VEZT: variants seen among roughly 807,000 people sequenced by gnomAD.
The protein encoded by VEZT is vezatin.
In VEZT, 39 loss-of-function variants were observed where a neutral mutation model predicts 79.9. That is an observed-to-expected ratio of 0.49 (90% CI 0.38 to 0.64). The LOEUF is 0.64. VEZT is among the 30% of genes least tolerant of loss of function. The pLI is 0.00. For missense variants in VEZT, 837 were observed against 893.1 expected, an observed-to-expected ratio of 0.94 and a Z score of 0.80; for synonymous variants, 325 against 327.6, an observed-to-expected ratio of 0.99 and a Z score of 0.09.
chr12:95,271,430 C>T (rs2066573342), intron 6 of VEZT, among the ~76,000 whole-genome samples: 1 of 152,056 alleles, frequency 6.6e-6, no homozygotes, highest in Non-Finnish European at 1.5e-5. Flanking sequence ...GGGTGCCTTC[C>T]AACATAGCAG....
At chr12:95,272,945 AC>A (rs2138873299) in intron 6 of VEZT, among the ~76,000 whole-genome samples, 1 of 152,226 alleles carries the variant, frequency 6.6e-6, no homozygotes, top group African/African-American at 2.4e-5. Flanking sequence ...ACAGGGTTTC[AC>A]CATTTTGCCC....
At chr12:95,231,864 G>A (rs1247317801) in intron 1 of VEZT, among the ~76,000 whole-genome samples, 1 of 152,046 alleles carries the variant, frequency 6.6e-6, no homozygotes, top group Non-Finnish European at 1.5e-5. Context: ...TACTACATTG[G>A]CAATACAATT....
intron 6 of VEZT, 103 bp downstream of exon 6, chr12:95,270,291 C>A: frequency 8.2e-7 from 1 of 1,222,882 alleles, no homozygotes; most frequent in Non-Finnish European, 1.1e-6. Flanking sequence ...AGTGAGATTG[C>A]CTATTTTGAA....
intron 9 of VEZT, among the ~76,000 whole-genome samples, chr12:95,289,439 A>AG (rs2072090113): frequency 6.6e-6 from 1 of 150,430 alleles, no homozygotes; most frequent in Non-Finnish European, 1.5e-5. Flanking sequence ...AAAAAAAAAA[A>AG]AAAGAAAGAT....
At chr12:95,297,065 T>C (rs1235936070) in intron 11 of VEZT, 1 of 152,308 alleles carries the variant, frequency 6.6e-6, no homozygotes, top group East Asian at 1.9e-4. Flanking sequence ...GGGAGCAGGG[T>C]GCCTGTGGGC....
At position 95,252,027 on chromosome 12, in the gene VEZT, A is replaced by G; in HGVS notation, c.124A>G (p.Thr42Ala). 1.2e-6 allele frequency: 2 copies of G among 1,612,960 alleles called. No homozygotes were observed. The highest frequency in any genetic ancestry group is 3.3e-5 in the Admixed American group (2 of 59,832). ...TTTGTCACCAAAAACAGAAAAATGC[A>G]CAACAGAGGGACAACAAAAGCCTCC... ...SSLSPKTEKCTTEGQQKPPTR... is the reference protein window; with the variant it reads ...SSLSPKTEKCATEGQQKPPTR... The change falls in exon 2 of 12, where the codon ACA becomes GCA. Residue 42 changes from threonine (T) to alanine (A), a missense_variant. By Grantham distance (58) the Thr-to-Ala change is moderately conservative. Transcript: ENST00000436874.
intron 1 of VEZT, chr12:95,242,068 A>G (rs1295854029): frequency 6.6e-6 from 1 of 152,264 alleles, no homozygotes; most frequent in Non-Finnish European, 1.5e-5. Context: ...CACATGTACA[A>G]GTTACACTAG....
intron 5 of VEZT, 36 bp downstream of exon 5, chr12:95,266,668 A>G (rs1335057316): frequency 6.6e-7 from 1 of 1,526,234 alleles, no homozygotes. Context: ...TTAAATGATT[A>G]TTTTCTATTC....
intron 7 of VEZT, among the ~76,000 whole-genome samples, chr12:95,278,878 G>C (rs11107960): frequency 0.11 from 17,068 of 152,208 alleles, 1,050 homozygotes; most frequent in East Asian, 0.25. Context: ...CAACCAGCCT[G>C]ACCAACATGG....
At chr12:95,245,405 G>A in intron 1 of VEZT, 1 of 427,460 alleles carries the variant, frequency 2.3e-6, no homozygotes, top group Admixed American at 2.6e-5. Flanking sequence ...AAGTACCAGA[G>A]CACTCAATAT....
At chr12:95,280,560 CTCT>C (rs1458982455) in intron 7 of VEZT, among the ~76,000 whole-genome samples, 4 of 150,564 alleles carry the variant, frequency 2.7e-5, no homozygotes, top group African/African-American at 4.9e-5. Context: ...CACACTATTC[CTCT>C]TCTTTGCTGT....
intron 9 of VEZT, among the ~76,000 whole-genome samples, chr12:95,289,990 C>T (rs1354660634): frequency 6.6e-6 from 1 of 152,140 alleles, no homozygotes; most frequent in Admixed American, 6.5e-5. Flanking sequence ...TTTCTGTATG[C>T]ATTTTTGTAA....
intron 8 of VEZT, 33 bp downstream of exon 8, chr12:95,282,677 G>A (rs374118710): frequency 1.1e-4 from 161 of 1,529,394 alleles, no homozygotes; most frequent in Admixed American, 5.0e-4. Context: ...GAAAGGTCTC[G>A]GTAATTAGCA....
intron 1 of VEZT, among the ~76,000 whole-genome samples, chr12:95,232,668 A>G (rs1199785425): frequency 1.3e-5 from 2 of 152,178 alleles, no homozygotes; most frequent in Non-Finnish European, 2.9e-5. Context: ...CTGACATCTG[A>G]CAATAGTTAG....
intron 9 of VEZT, among the ~76,000 whole-genome samples, chr12:95,291,914 T>C (rs1208852127): frequency 5.9e-5 from 9 of 152,194 alleles, no homozygotes; most frequent in Admixed American, 3.9e-4. Context: ...TCCTCCTGCC[T>C]CAGCCTCTCG....
intron 8 of VEZT, among the ~76,000 whole-genome samples, chr12:95,285,122 C>T (rs1433750108): frequency 6.8e-6 from 1 of 146,348 alleles, no homozygotes; most frequent in East Asian, 2.0e-4. Flanking sequence ...ATGGCAACAA[C>T]CTCAATTACT....
chr12:95,243,891 C>A (rs1192183884), intron 1 of VEZT: 2 of 452,612 alleles, frequency 4.4e-6, no homozygotes, highest in Non-Finnish European at 4.4e-6. Flanking sequence ...GGGCTTGGCC[C>A]CTTTGCACAT....
chr12:95,252,178 CTATT>C lies in VEZT; in HGVS notation c.168+113_168+116del, dbSNP rs1197781613. The C allele has an allele frequency of 6.6e-6, 8 of 1,206,916 alleles. No homozygotes were observed. The South Asian group carries it at 1.6e-4, about 24-fold the overall frequency. 74.8% of individuals were successfully genotyped at this position (1,206,916 alleles called of 1,614,324 possible). ...CATATCCTCCCTCACACTGGTAAGA[CTATT>C]TATTTCATCAATAGTACAAAACTTT... On this transcript the variant is annotated intron_variant, in intron 2 of 11. Transcript: ENST00000436874.
In VEZT at chr12:95,287,812, A is replaced by G. The variant is rs1407439735; in HGVS notation, c.1477A>G (p.Ile493Val). The G allele has an allele frequency of 1.9e-6, 3 of 1,607,764 alleles. No individual in the cohort carries two copies. The highest frequency in any genetic ancestry group is 2.5e-6 in the Non-Finnish European group (3 of 1,176,860). ...AAGCAACAATTGCTGGGAAGAGGCC[A>G]TTTCTCAGGTCGACAAACTGCTACG... ...QASNNCWEEA[I>V]SQVDKLLRRN... The change falls in exon 9 of 12, where the codon ATT (isoleucine) becomes GTT (valine). Residue 493 changes from isoleucine (I) to valine (V), a missense_variant. By Grantham distance (29) the Ile-to-Val change is conservative. Coordinates refer to ENST00000436874, the MANE Select transcript of VEZT (RefSeq NM_017599.4).
Sources: allele counts gnomAD v4.1 joint callset (sites outside exome capture counted in the v4.1 genomes callset), GRCh38; gene constraint gnomAD v4.1.1; transcripts MANE v1.5; gene names NCBI Gene and HGNC (gene_info 2026-07-23, HGNC 2026-07-21).